Variants in NRG3 observed in about 807,000 individuals in gnomAD.
NRG3 encodes the protein neuregulin 3, also known as pro-neuregulin-3, membrane-bound isoform.
NRG3 carries 31 observed loss-of-function variants against 66.9 expected under a neutral mutation model. The observed-to-expected ratio is 0.46, with a 90% CI of 0.35 to 0.63. NRG3 has a LOEUF of 0.63. Ranked by LOEUF, NRG3 falls within the 20% of genes least tolerant of loss-of-function variation. The pLI is 0.00. For synonymous variants in NRG3, 393 were observed against 359.4 expected (o/e 1.09, Z -1.06); for missense variants, 910 against 878.9 (o/e 1.04, Z -0.45).
intron 3 of NRG3, among the ~76,000 whole-genome samples, chr10:82,815,173 G>A (rs532750805): frequency 1.3e-5 from 2 of 152,276 alleles, no homozygotes; most frequent in African/African-American, 4.8e-5. Context: ...ATTTGCTATG[G>A]CATCCTGATG....
At position 82,607,153 on chromosome 10, in the gene NRG3, C is replaced by A. The variant is rs373489917; in HGVS notation, c.954-131424C>A. 7.9e-5 allele frequency among the ~76,000 whole-genome samples: 12 copies of A among 152,274 alleles called. No homozygotes were observed. In the South Asian group the frequency reaches 1.5e-3, roughly 18 times the overall value. Reference sequence around the variant, plus strand: ...TCTGGAGGTCCTGTAACACTATCTGCCATATCTATCAATAACTGTTAGAGG... The same window carrying A: ...TCTGGAGGTCCTGTAACACTATCTGACATATCTATCAATAACTGTTAGAGG... On this transcript the variant is annotated intron_variant, in intron 2 of 8. Transcript: ENST00000372141.
rs187807478 is a variant in NRG3, at chr10:82,701,753, C to G, written c.954-36824C>G. 8.8e-4 allele frequency among the ~76,000 whole-genome samples: 134 copies of G among 152,254 alleles called. 1 individual carries two copies. The highest frequency in any genetic ancestry group is 3.2e-3 in the African/African-American group (131 of 41,552). On this transcript the variant is annotated intron_variant, in intron 2 of 8. Coordinates refer to ENST00000372141, the MANE Select transcript of NRG3 (RefSeq NM_001010848.4). Reference sequence around the variant, plus strand: ...CTAAGTGCTTTAAAACATGTTATCTCAGAATGTTTAGTCCCCACCAGTGCA... The same window carrying G: ...CTAAGTGCTTTAAAACATGTTATCTGAGAATGTTTAGTCCCCACCAGTGCA...
intron 1 of NRG3, among the ~76,000 whole-genome samples, chr10:81,955,611 A>G (rs1180225615): frequency 6.6e-6 from 1 of 152,196 alleles, no homozygotes; most frequent in Non-Finnish European, 1.5e-5. Flanking sequence ...CTTTAAATAT[A>G]TTCAAGTACC....
intron 2 of NRG3, among the ~76,000 whole-genome samples, chr10:82,611,375 G>A (rs940919157): frequency 4.0e-5 from 6 of 151,754 alleles, no homozygotes; most frequent in South Asian, 2.1e-4. Context: ...CCATCAACTC[G>A]TCATTTACAC....
chr10:82,986,951 A>C lies in NRG3; in HGVS notation c.*1346A>C, dbSNP rs1338415986. 1 of 152,222 alleles carries C rather than the reference A, an allele frequency of 6.6e-6. No individual in the cohort carries two copies. The highest frequency in any genetic ancestry group is 1.5e-5 in the Non-Finnish European group (1 of 68,038). The allele number at this position is 152,222 out of a possible 1,614,324, so 9.4% of individuals were successfully genotyped here. The stretch of plus-strand genomic sequence containing the variant: ...TATTCAGTTCACAAGAAGCCCCCCA[A>C]AAGAACAGTAAATTGTGTTGTATGT... On this transcript the variant is annotated 3_prime_UTR_variant, in exon 9 of 9. Coordinates refer to ENST00000372141, the MANE Select transcript of NRG3 (RefSeq NM_001010848.4).
At chr10:81,931,981 AATAC>A (rs1847393867) in intron 1 of NRG3, among the ~76,000 whole-genome samples, 1 of 152,182 alleles carries the variant, frequency 6.6e-6, no homozygotes, top group Admixed American at 6.5e-5. Context: ...GCTATAAAGA[AATAC>A]CTGAGACTGG....
intron 1 of NRG3, among the ~76,000 whole-genome samples, chr10:81,986,726 C>T (rs1428246430): frequency 1.3e-5 from 2 of 152,118 alleles, no homozygotes; most frequent in Non-Finnish European, 2.9e-5. Context: ...CAGTCTTGCT[C>T]TGTCACCCAG....
At chr10:81,980,022 G>A (rs1564708748) in intron 1 of NRG3, among the ~76,000 whole-genome samples, 1 of 152,126 alleles carries the variant, frequency 6.6e-6, no homozygotes, top group Non-Finnish European at 1.5e-5. Context: ...TCATCATTTT[G>A]CCCCACTTCC....
At position 82,386,018 on chromosome 10, in the gene NRG3, G is replaced by GA. The variant is rs1204193748; in HGVS notation, c.953+27158dup. Reference sequence around the variant, plus strand: ...CTAGCAAGTAGTAATTCAGTTGAAGGAAAAAAAATCACATCAGTGAAATCA... The same window carrying GA: ...CTAGCAAGTAGTAATTCAGTTGAAGGAAAAAAAAATCACATCAGTGAAATCA... On this transcript the variant is annotated intron_variant, in intron 2 of 8. Coordinates refer to ENST00000372141, the MANE Select transcript of NRG3 (RefSeq NM_001010848.4). Among the ~76,000 whole-genome samples the GA allele has an allele frequency of 1.3e-4, 20 of 151,850 alleles. No homozygotes were observed. The East Asian group carries it at 1.7e-3, about 13-fold the overall frequency.
chr10:82,021,786 ATGTGTGTGTGTGTGTGTGTGTGTG>A (rs71950373), intron 1 of NRG3, among the ~76,000 whole-genome samples: 1 of 61,074 alleles, frequency 1.6e-5, no homozygotes, highest in African/African-American at 4.9e-5. Flanking sequence ...GGCATGTAGT[ATGTGTGTGTGTGTGTGTGTGTGTG>A]TGTGTGTGTG....
intron 4 of NRG3, among the ~76,000 whole-genome samples, chr10:82,897,539 G>A (rs1427104979): frequency 4.6e-5 from 7 of 151,766 alleles, no homozygotes; most frequent in Non-Finnish European, 1.0e-4. Flanking sequence ...TTTGTTTTGC[G>A]ATGCAGTCTC....
At chr10:82,185,071 A>C (rs1019162229) in intron 1 of NRG3, among the ~76,000 whole-genome samples, 2 of 152,146 alleles carry the variant, frequency 1.3e-5, no homozygotes, top group Admixed American at 1.3e-4. Context: ...TAACTATTTA[A>C]GAGGCTGGAG....
intron 1 of NRG3, among the ~76,000 whole-genome samples, chr10:82,097,345 T>C (rs1250612913): frequency 2.7e-5 from 4 of 149,430 alleles, no homozygotes; most frequent in Non-Finnish European, 4.4e-5. Context: ...AAGACGTTTA[T>C]GTTATTTTCA....
intron 3 of NRG3, among the ~76,000 whole-genome samples, chr10:82,832,573 A>G (rs1471565308): frequency 3.3e-5 from 5 of 152,314 alleles, no homozygotes; most frequent in Middle Eastern, 3.4e-3. Context: ...AAATGTGGTC[A>G]AAGATTTATA....
chr10:81,882,875 G>A (rs1842306042), intron 1 of NRG3, among the ~76,000 whole-genome samples: 1 of 152,132 alleles, frequency 6.6e-6, no homozygotes, highest in Admixed American at 6.5e-5. Context: ...CTTGGAAGTT[G>A]AACCACAAAC....
chr10:81,880,511 C>T (rs2132467076), intron 1 of NRG3, among the ~76,000 whole-genome samples: 1 of 152,296 alleles, frequency 6.6e-6, no homozygotes, highest in African/African-American at 2.4e-5. Flanking sequence ...GAAATCAGTG[C>T]CTTCCTGGGA....
intron 2 of NRG3, among the ~76,000 whole-genome samples, chr10:82,373,193 C>T (rs371173796): frequency 1.3e-5 from 2 of 152,234 alleles, no homozygotes; most frequent in Non-Finnish European, 2.9e-5. Context: ...CACATGCATA[C>T]AGCAGAGATC....
chr10:81,958,620 A>G lies in NRG3; in HGVS notation c.823+82457A>G, dbSNP rs188054579. ...ACATATAACACATAAACAGATATAC[A>G]GGCTGGGCATGGTGGCTCATGCCTG... On this transcript the variant is annotated intron_variant, in intron 1 of 8. Coordinates refer to ENST00000372141, the MANE Select transcript of NRG3 (RefSeq NM_001010848.4). Among the ~76,000 whole-genome samples, 451 of 152,330 alleles carry G rather than the reference A, an allele frequency of 3.0e-3. 2 individuals are homozygous for G. The highest frequency in any genetic ancestry group is 4.9e-3 in the Non-Finnish European group (336 of 68,034).
chr10:82,726,529 T>C lies in NRG3; in HGVS notation c.954-12048T>C, dbSNP rs770002438. 4.2e-4 allele frequency among the ~76,000 whole-genome samples: 64 copies of C among 152,130 alleles called. 1 individual carries two copies. Among genetic ancestry groups the C allele is most frequent in the Non-Finnish European group, 6.9e-4 (47 of 68,028 alleles). On this transcript the variant is annotated intron_variant, in intron 2 of 8. Coordinates refer to ENST00000372141, the MANE Select transcript of NRG3 (RefSeq NM_001010848.4). The stretch of plus-strand genomic sequence containing the variant: ...CAAGCTCTCTTTTTGCCTGCTGCCA[T>C]TCATGTAAGATGTGACTTGCTCCTC...
Sources: allele counts gnomAD v4.1 joint callset (sites outside exome capture counted in the v4.1 genomes callset), GRCh38; gene constraint gnomAD v4.1.1; transcripts MANE v1.5; gene names NCBI Gene and HGNC (gene_info 2026-07-23, HGNC 2026-07-21).